Variants in ZNF623 observed in about 807,000 individuals in gnomAD.
ZNF623 encodes zinc finger protein 623.
A neutral mutation model predicts 24.0 loss-of-function variants in ZNF623; 16 were observed. The observed-to-expected ratio is 0.67, with a 90% CI of 0.45 to 1.01. The LOEUF (loss-of-function observed/expected upper bound fraction) is 1.01, where lower values mean the gene tolerates loss of function less well. ZNF623 is among the 50% of genes least tolerant of loss of function. ZNF623 has a pLI of 0.00. For missense variants in ZNF623, 566 were observed against 606.5 expected, an observed-to-expected ratio of 0.93 and a Z score of 0.70; for synonymous variants, 224 against 219.8, an observed-to-expected ratio of 1.02 and a Z score of -0.17.
At chr8:143,643,592 CT>C (rs1231091118) in intron 1 of ZNF623, among the ~76,000 whole-genome samples, 1 of 152,228 alleles carries the variant, frequency 6.6e-6, no homozygotes, top group Non-Finnish European at 1.5e-5. Context: ...GTCCAGTCAG[CT>C]TTTCCAAAGT....
chr8:143,637,081 G>A lies in ZNF623; in HGVS notation c.-96+936G>A, dbSNP rs376060501. 2.1e-4 allele frequency among the ~76,000 whole-genome samples: 32 copies of A among 152,356 alleles called. 1 individual carries two copies. The highest frequency in any genetic ancestry group is 7.2e-4 in the African/African-American group (30 of 41,596). On this transcript the variant is annotated intron_variant, in intron 1 of 1. Transcript: ENST00000526926. Reference sequence around the variant, plus strand: ...CCTGAGCAGCATGCCGGTAGCAGAAGCCAAATGGCCTGGGTGGGGCGGGGG... The same window carrying A: ...CCTGAGCAGCATGCCGGTAGCAGAAACCAAATGGCCTGGGTGGGGCGGGGG...
rs143760755 is a variant in ZNF623, at chr8:143,652,793, C to T, written c.*1310C>T. Reference sequence around the variant, plus strand: ...GTAGCAGTTCTGAGGTTGAACTGAGCTCTTGTCATTTTCCATGCTCTCTGG... The same window carrying T: ...GTAGCAGTTCTGAGGTTGAACTGAGTTCTTGTCATTTTCCATGCTCTCTGG... On this transcript the variant is annotated 3_prime_UTR_variant, in exon 2 of 2. Transcript: ENST00000526926. 1 of 167,224 alleles carries T rather than the reference C, an allele frequency of 6.0e-6. No individual in the cohort carries two copies. Among genetic ancestry groups the T allele is most frequent in the African/African-American group, 2.4e-5 (1 of 41,566 alleles). The allele number at this position is 167,224 out of a possible 1,614,324, so 10.4% of individuals were successfully genotyped here.
Position 143,651,463 on chromosome 8 carries a change from G to A in ZNF623, c.1471G>A (p.Glu491Lys), listed in dbSNP as rs747701798. Residue 491 changes from glutamate (E) to lysine (K), a missense_variant, in exon 2 of 2, where the codon GAA (glutamate) becomes AAA (lysine). Glu to Lys is a moderately conservative substitution (Grantham distance 56). Transcript: ENST00000526926. ...GGGTGAGAGGTCTGTAGATAAGGGG[G>A]AACACACAGGTAACTTATAAAATAA... ...HLGERSVDKG[E>K]HTGNL 9.5e-6 allele frequency: 15 copies of A among 1,576,910 alleles called. No homozygotes were observed. The highest frequency in any genetic ancestry group is 3.4e-4 in the Middle Eastern group (2 of 5,866).
chr8:143,644,787 G>A (rs1193145802), intron 1 of ZNF623, among the ~76,000 whole-genome samples: 2 of 147,234 alleles, frequency 1.4e-5, no homozygotes, highest in South Asian at 2.2e-4. Flanking sequence ...CTGAGATCAC[G>A]CCACCATGCA....
chr8:143,649,936 G>A lies in ZNF623; in HGVS notation c.-57G>A, dbSNP rs1815256319. 1 of 1,613,334 alleles carries A rather than the reference G, an allele frequency of 6.2e-7. No homozygotes were observed. The highest frequency in any genetic ancestry group is 8.5e-7 in the Non-Finnish European group (1 of 1,179,422). ...AACTGGTGAGAAGAAGGTGACTGAA[G>A]CCTGGATTTCTGAGGATGAAAACTC... On this transcript the variant is annotated 5_prime_UTR_variant, in exon 2 of 2. Coordinates refer to ENST00000526926, the MANE Select transcript of ZNF623 (RefSeq NM_001261843.2).
rs1458266539 is a variant in ZNF623 at position 143,651,203 on chromosome 8, C to T, written c.1211C>T (p.Ser404Phe). The change falls in exon 2 of 2, where the codon TCC becomes TTC. Residue 404 changes from serine to phenylalanine, a missense_variant. Coordinates refer to ENST00000526926, the MANE Select transcript of ZNF623 (RefSeq NM_001261843.2). Reference sequence around the variant, plus strand: ...TGTGGGAAAGCCTTCATCCAGAGCTCCAAGCTGCTTCTGCACCAGATTATT... The same window carrying T: ...TGTGGGAAAGCCTTCATCCAGAGCTTCAAGCTGCTTCTGCACCAGATTATT... ...KDCGKAFIQS[S>F]KLLLHQIIHT... 1 of 1,614,072 alleles carries T rather than the reference C, an allele frequency of 6.2e-7. No individual in the cohort carries two copies. The highest frequency in any genetic ancestry group is 1.7e-5 in the Admixed American group (1 of 59,998).
rs1236965825 is a variant in ZNF623, at chr8:143,651,649, T to C, written c.*166T>C. The C allele has an allele frequency of 1.4e-6, 1 of 729,526 alleles. No individual in the cohort carries two copies. Among genetic ancestry groups the C allele is most frequent in the Admixed American group, 3.1e-5 (1 of 32,042 alleles). The allele number at this position is 729,526 out of a possible 1,614,324, so 45.2% of individuals were successfully genotyped here. Reference sequence around the variant, plus strand: ...GCAGCCCTACTCGGCTCAGCCCTTCTCCTCAGCTGTGAGCACTGTCCTCAG... The same window carrying C: ...GCAGCCCTACTCGGCTCAGCCCTTCCCCTCAGCTGTGAGCACTGTCCTCAG... On this transcript the variant is annotated 3_prime_UTR_variant, in exon 2 of 2. Transcript: ENST00000526926.
At chr8:143,648,563 A>G (rs1373756170) in intron 1 of ZNF623, among the ~76,000 whole-genome samples, 3 of 152,004 alleles carry the variant, frequency 2.0e-5, no homozygotes, top group Non-Finnish European at 4.4e-5. Context: ...GTCGCTGGGA[A>G]CTGGCGCACT....
rs746826640 is a variant in ZNF623 at position 143,651,148 on chromosome 8, T to G, written c.1156T>G (p.Ser386Ala). The G allele has an allele frequency of 6.2e-7, 1 of 1,614,006 alleles. No homozygotes were observed. Among genetic ancestry groups the G allele is most frequent in the Non-Finnish European group, 8.5e-7 (1 of 1,179,984 alleles). ...AHLTEHQKIH[S>A]GDRPFECKDC... ...TCTCACTGAGCACCAGAAGATCCAC[T>G]CTGGGGACAGGCCCTTCGAATGTAA... Residue 386 changes from serine to alanine, a missense_variant, in exon 2 of 2, where the codon TCT becomes GCT. By Grantham distance (99) the Ser-to-Ala change is moderately conservative. Transcript: ENST00000526926.
chr8:143,650,059 C>A lies in ZNF623; in HGVS notation c.67C>A (p.Pro23Thr), dbSNP rs558228017. The change falls in exon 2 of 2, where the codon CCA (proline) becomes ACA (threonine). Residue 23 changes from proline (P) to threonine (T), a missense_variant. Around this residue, in one of 3 missense-constraint regions of ZNF623, gnomAD observed 313 missense variants for 300.4 expected, o/e 1.04. Transcript: ENST00000526926. This position sits in a 1 kb window ranked among gnomAD's most constrained non-coding sequence, Gnocchi z 5.2. ...CAGATTAGGGGAGCTCTTGGGAAAT[C>A]CAGAAGGTCAGAGCCTGGGGAGTTC... ...EPRLGELLGN[P>T]EGQSLGSSPS... 1 of 1,614,098 alleles carries A rather than the reference C, an allele frequency of 6.2e-7. No individual in the cohort carries two copies. Among genetic ancestry groups the A allele is most frequent in the Non-Finnish European group, 8.5e-7 (1 of 1,179,984 alleles).
chr8:143,646,296 G>A lies in ZNF623; in HGVS notation c.-95-3602G>A, dbSNP rs550446241. 6.6e-4 allele frequency among the ~76,000 whole-genome samples: 100 copies of A among 152,288 alleles called. 1 individual carries two copies. The highest frequency in any genetic ancestry group is 3.4e-3 in the Middle Eastern group (1 of 294). ...GGCCTCAAGTAGTCCTCCTGCTTTG[G>A]CCACTGGAAATGCTGGGATTATAGG... On this transcript the variant is annotated intron_variant, in intron 1 of 1. Coordinates refer to ENST00000526926, the MANE Select transcript of ZNF623 (RefSeq NM_001261843.2).
rs57279986 is a variant in ZNF623, at chr8:143,640,941, TA to T, written c.-96+4823del. 7.7e-3 allele frequency among the ~76,000 whole-genome samples: 505 copies of T among 65,530 alleles called. 8 individuals carry two copies. Among genetic ancestry groups the T allele is most frequent in the East Asian group, 0.024 (44 of 1,798 alleles). The allele number at this position is 65,530 out of a possible 152,430, so 43.0% of individuals were successfully genotyped here. A position where few individuals can be genotyped will look rare whatever the true frequency, so the allele number is the denominator to read the frequency against. On this transcript the variant is annotated intron_variant, in intron 1 of 1. Transcript: ENST00000526926. ...GGGAACGAGAGTGAAACTCTGTCTT[TA>T]AAAAAAAAAAAAAAAAAAAAAAAAA...
In ZNF623 at chr8:143,650,635, A is replaced by T; in HGVS notation, c.643A>T (p.Arg215Trp). ...SQSSLLIRHQ[R>W]IHTGERPYEC... ...GAGCTCCTTACTTATTCGCCATCAG[A>T]GGATTCACACGGGAGAAAGGCCCTA... Residue 215 changes from arginine to tryptophan, a missense_variant, in exon 2 of 2, where the codon AGG (arginine) becomes TGG (tryptophan). Arg to Trp is a moderately radical substitution (Grantham distance 101, BLOSUM62 -3). Transcript: ENST00000526926. This position sits in a 1 kb window ranked among gnomAD's most constrained non-coding sequence, Gnocchi z 5.2. 22 of 1,614,180 alleles carry T rather than the reference A, an allele frequency of 1.4e-5. No homozygotes were observed. The highest frequency in any genetic ancestry group is 1.9e-5 in the Non-Finnish European group (22 of 1,180,036).
chr8:143,650,031 G>A lies in ZNF623; in HGVS notation c.39G>A (p.Glu13=). ...LPSPESEEVH[E]PRLGELLGNP... The stretch of plus-strand genomic sequence containing the variant: ...CTCCCGAGTCTGAGGAAGTCCACGA[G>A]CCCAGATTAGGGGAGCTCTTGGGAA... Residue 13 remains glutamate (E), a synonymous_variant, in exon 2 of 2, where the codon GAG becomes GAA. Coordinates refer to ENST00000526926, the MANE Select transcript of ZNF623 (RefSeq NM_001261843.2). The surrounding 1 kb of genome is among the most constrained non-coding windows in gnomAD (Gnocchi z 5.2). The A allele has an allele frequency of 6.2e-7, 1 of 1,614,200 alleles. No individual in the cohort carries two copies. Among genetic ancestry groups the A allele is most frequent in the Non-Finnish European group, 8.5e-7 (1 of 1,180,032 alleles).
At position 143,651,581 on chromosome 8, in the gene ZNF623, C is replaced by A; in HGVS notation, c.*98C>A. ...TTGGACATGTCAGAATTTTGTGAGT[C>A]ATGGATGGGGCTGCTTTTGCAGTGG... On this transcript the variant is annotated 3_prime_UTR_variant, in exon 2 of 2. Coordinates refer to ENST00000526926, the MANE Select transcript of ZNF623 (RefSeq NM_001261843.2). 1.4e-6 allele frequency: 2 copies of A among 1,411,862 alleles called. No individual in the cohort carries two copies. Among genetic ancestry groups the A allele is most frequent in the Non-Finnish European group, 9.6e-7 (1 of 1,044,966 alleles). 87.5% of individuals were successfully genotyped at this position (1,411,862 alleles called of 1,614,324 possible).
intron 1 of ZNF623, among the ~76,000 whole-genome samples, chr8:143,642,289 C>CT (rs1202588629): frequency 6.6e-6 from 1 of 152,196 alleles, no homozygotes; most frequent in East Asian, 1.9e-4. Flanking sequence ...CCTCACCCGT[C>CT]TCGGCCTTCA....
intron 1 of ZNF623, among the ~76,000 whole-genome samples, chr8:143,638,297 T>C (rs919793012): frequency 7.0e-6 from 1 of 143,188 alleles, no homozygotes; most frequent in African/African-American, 2.6e-5. Context: ...GTGGAGACCA[T>C]GCCATTGCAC....
intron 1 of ZNF623, among the ~76,000 whole-genome samples, chr8:143,642,530 C>T (rs527257432): frequency 2.0e-5 from 3 of 152,330 alleles, no homozygotes; most frequent in Non-Finnish European, 4.4e-5. Context: ...ATGCAAGAGG[C>T]CCGGCTTTCT....
chr8:143,653,431 A>C lies in ZNF623; in HGVS notation c.*1948A>C, dbSNP rs567216592. 6.0e-6 allele frequency: 1 copy of C among 167,226 alleles called. No homozygotes were observed. The highest frequency in any genetic ancestry group is 2.1e-4 in the South Asian group (1 of 4,826). 10.4% of individuals were successfully genotyped at this position (167,226 alleles called of 1,614,324 possible). Reference sequence around the variant, plus strand: ...GACCATTTTAATCAACTTTATTGAGATTCAATTTTCATATAGTAAAACGCC... The same window carrying C: ...GACCATTTTAATCAACTTTATTGAGCTTCAATTTTCATATAGTAAAACGCC... On this transcript the variant is annotated 3_prime_UTR_variant, in exon 2 of 2. Coordinates refer to ENST00000526926, the MANE Select transcript of ZNF623 (RefSeq NM_001261843.2).
Sources: gnomAD v4.1 joint callset for allele counts (sites outside exome capture counted in the v4.1 genomes callset) on GRCh38, gnomAD v4.1.1 for gene constraint, gnomAD v4.1.1 regional missense constraint, Gnocchi (gnomAD v3.1) non-coding constraint, MANE v1.5 for transcripts, NCBI Gene and HGNC (gene_info 2026-07-23, HGNC 2026-07-21) for gene names.